The following ADGRB3 variants were observed in gnomAD, a reference collection of about 807,000 sequenced individuals.
ADGRB3 encodes adhesion G protein-coupled receptor B3.
ADGRB3 carries 37 observed loss-of-function variants against 193.4 expected under a neutral mutation model. The ratio of observed to expected loss-of-function variants is 0.19; its 90% CI spans 0.15 to 0.25. The LOEUF is 0.25. Among genes scored for constraint, ADGRB3 ranks in the 10% least tolerant of loss-of-function variants. ADGRB3 has a pLI of 1.00. For missense variants in ADGRB3, 1,637 were observed against 1,852.9 expected, an observed-to-expected ratio of 0.88 and a Z score of 2.14; for synonymous variants, 690 against 644.2, an observed-to-expected ratio of 1.07 and a Z score of -1.08.
intron 17 of ADGRB3, among the ~76,000 whole-genome samples, chr6:69,137,470 G>A (rs1035408689): frequency 2.6e-5 from 4 of 151,702 alleles, no homozygotes; most frequent in South Asian, 2.1e-4. Context: ...AGTAGTTTCC[G>A]AAACAAGAGA....
At chr6:68,998,830 C>T (rs949015973) in intron 11 of ADGRB3, among the ~76,000 whole-genome samples, 8 of 152,306 alleles carry the variant, frequency 5.3e-5, no homozygotes, top group African/African-American at 1.9e-4. Flanking sequence ...GGTGCAGAGG[C>T]TTTGTCTGGT....
At chr6:68,742,921 G>A (rs1427556699) in intron 3 of ADGRB3, among the ~76,000 whole-genome samples, 2 of 151,758 alleles carry the variant, frequency 1.3e-5, no homozygotes, top group Non-Finnish European at 1.5e-5. Flanking sequence ...TAATAAAGAT[G>A]TATTTCTTGT....
intron 3 of ADGRB3, among the ~76,000 whole-genome samples, chr6:68,919,414 TTA>T (rs1766976518): frequency 6.6e-6 from 1 of 152,140 alleles, no homozygotes; most frequent in Non-Finnish European, 1.5e-5. Flanking sequence ...AGCAAAATAT[TTA>T]TGAGGCACTT....
At chr6:69,040,307 C>CTCCTTTCTT (rs1554251203) in intron 13 of ADGRB3, among the ~76,000 whole-genome samples, 5 of 94,758 alleles carry the variant, frequency 5.3e-5, no homozygotes, top group Non-Finnish European at 1.0e-4. Flanking sequence ...CTTTCTCTGT[C>CTCCTTTCTT]TCTTTCTTTC....
At chr6:68,728,235 A>T (rs767307339) in intron 3 of ADGRB3, among the ~76,000 whole-genome samples, 1 of 151,552 alleles carries the variant, frequency 6.6e-6, no homozygotes, top group East Asian at 2.0e-4. Flanking sequence ...GCTTGATAAC[A>T]TATTTGGTGA....
At chr6:69,103,178 A>C (rs1773113220) in intron 17 of ADGRB3, among the ~76,000 whole-genome samples, 1 of 152,216 alleles carries the variant, frequency 6.6e-6, no homozygotes, top group African/African-American at 2.4e-5. Flanking sequence ...CAGCATGTAC[A>C]TAATGACATT....
Position 68,638,912 on chromosome 6 carries a change from C to G in ADGRB3, c.237C>G (p.Ser79Arg), listed in dbSNP as rs771286520. The G allele has an allele frequency of 2.5e-6, 4 of 1,614,100 alleles. No individual in the cohort carries two copies. The highest frequency in any genetic ancestry group is 3.4e-6 in the Non-Finnish European group (4 of 1,180,006). Residue 79 changes from serine (S) to arginine (R), a missense_variant, in exon 3 of 32, where the codon AGC becomes AGG. Coordinates refer to ENST00000370598, the MANE Select transcript of ADGRB3 (RefSeq NM_001704.3). ...IYLKFSKKDL[S>R]CSNFSLLAYQ... ...TGAAATTTTCCAAAAAGGACCTTAG[C>G]TGCTCTAACTTTTCACTCCTGGCTT... is the stretch of plus-strand genomic sequence containing the variant.
At chr6:69,164,490 G>A (rs1422098419) in intron 17 of ADGRB3, among the ~76,000 whole-genome samples, 1 of 152,044 alleles carries the variant, frequency 6.6e-6, no homozygotes, top group Non-Finnish European at 1.5e-5. Flanking sequence ...TTGAATAAAT[G>A]AATTTATTAC....
At chr6:69,091,954 T>TTAAG (rs1323799533) in intron 17 of ADGRB3, among the ~76,000 whole-genome samples, 1 of 152,188 alleles carries the variant, frequency 6.6e-6, no homozygotes, top group East Asian at 1.9e-4. Flanking sequence ...AGCCATCTGT[T>TTAAG]TAAGTTCCTC....
At chr6:68,644,831 A>C (rs1168249421) in intron 3 of ADGRB3, among the ~76,000 whole-genome samples, 1 of 152,174 alleles carries the variant, frequency 6.6e-6, no homozygotes, top group Non-Finnish European at 1.5e-5. Context: ...GCGAACACTT[A>C]AGTGCATTTG....
intron 17 of ADGRB3, among the ~76,000 whole-genome samples, chr6:69,224,715 T>C (rs1009273521): frequency 2.0e-5 from 3 of 152,200 alleles, no homozygotes; most frequent in African/African-American, 7.2e-5. Flanking sequence ...AGCAGTACTC[T>C]TCTTCAGTTT....
intron 20 of ADGRB3, among the ~76,000 whole-genome samples, chr6:69,288,960 C>CT (rs1767609545): frequency 6.6e-6 from 1 of 152,070 alleles, no homozygotes; most frequent in Admixed American, 6.6e-5. Context: ...TTTGTGTGTA[C>CT]ACCCCCAACC....
intron 16 of ADGRB3, among the ~76,000 whole-genome samples, chr6:69,066,243 A>G (rs1290472626): frequency 6.6e-6 from 1 of 151,564 alleles, no homozygotes; most frequent in Non-Finnish European, 1.5e-5. Context: ...TGTTGCCTTC[A>G]AATTTTTTTA....
intron 3 of ADGRB3, among the ~76,000 whole-genome samples, chr6:68,812,432 A>G (rs139247261): frequency 5.0e-4 from 76 of 152,246 alleles, no homozygotes; most frequent in African/African-American, 1.8e-3. Context: ...TAATTATATG[A>G]CTTGCCAATT....
At chr6:69,172,671 AAGAG>A (rs1323480071) in intron 17 of ADGRB3, among the ~76,000 whole-genome samples, 2 of 138,098 alleles carry the variant, frequency 1.4e-5, no homozygotes, top group South Asian at 2.2e-4. Context: ...AAAAAAAAAA[AAGAG>A]AAATAAAGAA....
intron 3 of ADGRB3, among the ~76,000 whole-genome samples, chr6:68,674,902 T>C (rs1174253108): frequency 6.6e-6 from 1 of 152,186 alleles, no homozygotes; most frequent in African/African-American, 2.4e-5. Flanking sequence ...CAGAGGAACA[T>C]ACTCAGCGTT....
chr6:69,373,426 A>G (rs1277402453), intron 30 of ADGRB3, among the ~76,000 whole-genome samples: 1 of 152,074 alleles, frequency 6.6e-6, no homozygotes, highest in East Asian at 1.9e-4. Context: ...CCCTGAATGG[A>G]GTCCAAGGAT....
chr6:68,898,182 T>TG (rs1766293946), intron 3 of ADGRB3, among the ~76,000 whole-genome samples: 1 of 151,792 alleles, frequency 6.6e-6, no homozygotes, highest in African/African-American at 2.4e-5. Context: ...CCTGAGAACT[T>TG]GGGGGGCCAC....
chr6:69,038,314 TATC>T (rs1770934777), intron 13 of ADGRB3, among the ~76,000 whole-genome samples: 1 of 141,572 alleles, frequency 7.1e-6, no homozygotes, highest in African/African-American at 2.5e-5. Flanking sequence ...TCAAATATGA[TATC>T]ATGAATACAC....
Sources: allele counts gnomAD v4.1 joint callset (sites outside exome capture counted in the v4.1 genomes callset), GRCh38; gene constraint gnomAD v4.1.1; transcripts MANE v1.5; gene names NCBI Gene and HGNC (gene_info 2026-07-23, HGNC 2026-07-21).